IQSEC2: variants seen among roughly 807,000 people sequenced by gnomAD.
IQSEC2 encodes the protein IQ motif and Sec7 domain ArfGEF 2, also known as IQ motif and SEC7 domain-containing protein 2.
IQSEC2 carries 6 observed loss-of-function variants against 74.6 expected under a neutral mutation model. That is an observed-to-expected ratio of 0.08 (90% CI 0.04 to 0.16). The LOEUF is 0.16. Ranked by LOEUF, IQSEC2 falls within the 10% of genes least tolerant of loss-of-function variation. The pLI is 1.00. For missense variants in IQSEC2, 734 were observed against 1,306.2 expected (o/e 0.56, Z 6.75); for synonymous variants, 494 against 544.5 (o/e 0.91, Z 1.29).
chrX:53,267,322 C>T (rs1007767251), intron 2 of IQSEC2, among the ~76,000 whole-genome samples: 3 of 112,075 alleles, frequency 2.7e-5, no homozygotes, highest in Admixed American at 9.4e-5. Flanking sequence ...TATCAACTCC[C>T]TTTCTAACCC....
Position 53,282,536 on chromosome X carries a change from G to A in IQSEC2, c.737+9359C>T, listed in dbSNP as rs782484401. 2.9e-4 allele frequency among the ~76,000 whole-genome samples: 33 copies of A among 112,908 alleles called. No individual in the cohort carries two copies. In the South Asian group the frequency reaches 0.012, roughly 40 times the overall value. On this transcript the variant is annotated intron_variant, in intron 2 of 14. Coordinates refer to ENST00000642864, the MANE Select transcript of IQSEC2 (RefSeq NM_001111125.3). ...CCCCTGGCTGTTCTGAGCAGAAGGC[G>A]GCCCTGGGAGGGGCCAGGGGGCCAG... is the stretch of plus-strand genomic sequence containing the variant.
downstream of IQSEC2, chrX:53,227,170 A>G (rs2074045452): frequency 1.8e-5 from 2 of 113,348 alleles, no homozygotes; most frequent in South Asian, 7.3e-4. Context: ...CAGGTGGATG[A>G]TCCAACTGAA....
chrX:53,246,299 C>T (rs892820417), intron 8 of IQSEC2, among the ~76,000 whole-genome samples: 16 of 112,330 alleles, frequency 1.4e-4, no homozygotes, highest in Admixed American at 9.5e-5. Flanking sequence ...AAAATACTAC[C>T]TCCTCCAGGA....
chrX:53,283,042 C>T (rs1403878853), intron 2 of IQSEC2, among the ~76,000 whole-genome samples: 1 of 111,206 alleles, frequency 9.0e-6, no homozygotes, highest in Non-Finnish European at 1.9e-5. Context: ...ATGGCAAAAC[C>T]CTGTCTTTAC....
At chrX:53,277,561 A>AG (rs1336832200) in intron 2 of IQSEC2, among the ~76,000 whole-genome samples, 5 of 110,000 alleles carry the variant, frequency 4.5e-5, no homozygotes, top group African/African-American at 1.7e-4. Flanking sequence ...TTTCCATTTT[A>AG]TTCAGGTTTC....
At position 53,250,438 on chromosome X, in the gene IQSEC2, G is replaced by A; in HGVS notation, c.2138C>T (p.Ser713Phe). The change falls in exon 5 of 15, where the codon TCC (serine) becomes TTC (phenylalanine). Residue 713 changes from serine to phenylalanine, a missense_variant. Coordinates refer to ENST00000642864, the MANE Select transcript of IQSEC2 (RefSeq NM_001111125.3). ...TAGACTGTCCCGAGAAGAGGAGCCG[G>A]AGCTGCAGTTGATGGTCTCATTGGA... ...SNSNETINCS[S>F]GSSSRDSLRE... The A allele has an allele frequency of 8.3e-7, 1 of 1,211,909 alleles. No individual in the cohort carries two copies. The highest frequency in any genetic ancestry group is 1.8e-5 in the South Asian group (1 of 56,969).
rs781914653 is a variant in IQSEC2, at chrX:53,280,467, G to A, written c.737+11428C>T. On this transcript the variant is annotated intron_variant, in intron 2 of 14. Coordinates refer to ENST00000642864, the MANE Select transcript of IQSEC2 (RefSeq NM_001111125.3). Reference sequence around the variant, plus strand: ...GAGAAGCCAGAGAGAGGCAGAGAGCGCCAGAGCAGAGGAGGGTGAGGGCGG... The same window carrying A: ...GAGAAGCCAGAGAGAGGCAGAGAGCACCAGAGCAGAGGAGGGTGAGGGCGG... Among the ~76,000 whole-genome samples the A allele has an allele frequency of 6.3e-5, 7 of 110,733 alleles. No individual in the cohort carries two copies. In the East Asian group the frequency reaches 1.4e-3, roughly 23 times the overall value.
chrX:53,298,758 C>A (rs1006924409), intron 1 of IQSEC2, among the ~76,000 whole-genome samples: 1 of 111,646 alleles, frequency 9.0e-6, no homozygotes, highest in East Asian at 2.8e-4. Flanking sequence ...ATTTTCTCAT[C>A]TTTTCTCTTC....
downstream of IQSEC2, chrX:53,226,481 T>A (rs1363465552): frequency 5.3e-5 from 6 of 113,027 alleles, no homozygotes; most frequent in Admixed American, 5.6e-4. Flanking sequence ...AGTAAATGAA[T>A]GTTGAGTAAA....
At chrX:53,226,347 G>A (rs1556857526), downstream of IQSEC2, 1 of 112,490 alleles carries the variant, frequency 8.9e-6, no homozygotes, top group Non-Finnish European at 1.9e-5. Flanking sequence ...CACCTACTGT[G>A]CAAATATTTG....
At chrX:53,238,422 CA>C (rs2074168707) in intron 11 of IQSEC2, 116 bp from the exon 12 acceptor site, 2 of 721,360 alleles carry the variant, frequency 2.8e-6, no homozygotes, top group African/African-American at 2.1e-5. Context: ...CTCTGTCACC[CA>C]GGCTGGAGTG....
intron 7 of IQSEC2, among the ~76,000 whole-genome samples, chrX:53,247,611 T>C (rs782447511): frequency 8.9e-6 from 1 of 112,218 alleles, no homozygotes; most frequent in South Asian, 3.7e-4. Flanking sequence ...CTATCTGATC[T>C]CCAAAGCATT....
chrX:53,253,983 C>G (rs921073258), intron 4 of IQSEC2, among the ~76,000 whole-genome samples: 5 of 111,619 alleles, frequency 4.5e-5, no homozygotes, highest in African/African-American at 1.6e-4. Flanking sequence ...ATATTTTTTC[C>G]CACAAGAAGG....
intron 2 of IQSEC2, chrX:53,266,785 C>T (rs1165955361): frequency 9.6e-7 from 1 of 1,045,859 alleles, no homozygotes; most frequent in Non-Finnish European, 1.2e-6. Flanking sequence ...GAGGAGACAG[C>T]AGTGGGGATG....
chrX:53,241,402 C>T (rs1413942307), intron 10 of IQSEC2, among the ~76,000 whole-genome samples: 1 of 111,859 alleles, frequency 8.9e-6, no homozygotes, highest in Admixed American at 9.5e-5. Context: ...GCCACAGTGC[C>T]GAGCCCACTT....
intron 2 of IQSEC2, among the ~76,000 whole-genome samples, chrX:53,289,075 C>T (rs782432642): frequency 5.5e-5 from 6 of 108,901 alleles, no homozygotes; most frequent in Non-Finnish European, 7.6e-5. Context: ...TGCAATCTAC[C>T]GACTCTGCTC....
intron 1 of IQSEC2, among the ~76,000 whole-genome samples, chrX:53,294,784 G>T (rs1307980775): frequency 4.5e-5 from 5 of 112,048 alleles, no homozygotes; most frequent in African/African-American, 1.6e-4. Flanking sequence ...GATTTCTCCT[G>T]CTACTCCCCA....
At chrX:53,266,431 C>T in intron 2 of IQSEC2, 3 of 754,562 alleles carry the variant, frequency 4.0e-6, no homozygotes, top group Non-Finnish European at 4.7e-6. Context: ...ATGGGAGTGG[C>T]AGAGGGCATG....
intron 10 of IQSEC2, among the ~76,000 whole-genome samples, chrX:53,239,915 A>T (rs1005066787): frequency 8.0e-5 from 9 of 112,205 alleles, no homozygotes; most frequent in African/African-American, 2.9e-4. Flanking sequence ...TCAGGATGGC[A>T]CAATGACGCA....
Sources: allele counts gnomAD v4.1 joint callset (sites outside exome capture counted in the v4.1 genomes callset), GRCh38; gene constraint gnomAD v4.1.1; transcripts MANE v1.5; gene names NCBI Gene and HGNC (gene_info 2026-07-23, HGNC 2026-07-21).